CTDSPL2: variants seen among roughly 807,000 people sequenced by gnomAD.
The protein encoded by CTDSPL2 is CTD small phosphatase-like protein 2.
In CTDSPL2, 5 loss-of-function variants were observed where a neutral mutation model predicts 60.0. The ratio of observed to expected loss-of-function variants is 0.08; its 90% CI spans 0.04 to 0.18. The LOEUF is 0.18. Ranked by LOEUF, CTDSPL2 falls within the 10% of genes least tolerant of loss-of-function variation. The pLI is 1.00. For missense variants in CTDSPL2, 370 were observed against 548.8 expected, an observed-to-expected ratio of 0.67 and a Z score of 3.26; for synonymous variants, 186 against 189.3, an observed-to-expected ratio of 0.98 and a Z score of 0.14.
intron 1 of CTDSPL2, among the ~76,000 whole-genome samples, chr15:44,454,826 G>A (rs1175067273): frequency 6.6e-6 from 1 of 152,172 alleles, no homozygotes; most frequent in Non-Finnish European, 1.5e-5. Context: ...TTTGGTTACT[G>A]TAGCCTTGTA....
intron 7 of CTDSPL2, among the ~76,000 whole-genome samples, chr15:44,497,365 C>G (rs1339847260): frequency 6.6e-6 from 1 of 151,960 alleles, no homozygotes; most frequent in Non-Finnish European, 1.5e-5. Flanking sequence ...GTCTCAAAAG[C>G]ACAATTTCTT....
chr15:44,499,826 T>G lies in CTDSPL2; in HGVS notation c.969+13T>G. On this transcript the variant is annotated intron_variant, in intron 8 of 12. Transcript: ENST00000260327. Reference sequence around the variant, plus strand: ...TGTCATTTATCAGGTAATTAAAATTTTTTTGATGATTTTTGGCCTGATAGG... The same window carrying G: ...TGTCATTTATCAGGTAATTAAAATTGTTTTGATGATTTTTGGCCTGATAGG... The G allele has an allele frequency of 6.7e-7, 1 of 1,493,666 alleles. No homozygotes were observed. The highest frequency in any genetic ancestry group is 9.3e-7 in the Non-Finnish European group (1 of 1,075,596). 92.5% of individuals were successfully genotyped at this position (1,493,666 alleles called of 1,614,324 possible).
At chr15:44,461,322 C>T (rs1424242334) in intron 2 of CTDSPL2, among the ~76,000 whole-genome samples, 3 of 152,156 alleles carry the variant, frequency 2.0e-5, no homozygotes, top group Non-Finnish European at 4.4e-5. Flanking sequence ...CTCCTGTTGA[C>T]CAGAGCTTTA....
intron 11 of CTDSPL2, 157 bp from the exon 12 acceptor site, chr15:44,521,154 C>A: frequency 4.5e-6 from 2 of 446,586 alleles, no homozygotes; most frequent in Non-Finnish European, 3.9e-6. Flanking sequence ...CTGTCTCTTG[C>A]ACTATTGAGT....
intron 7 of CTDSPL2, among the ~76,000 whole-genome samples, chr15:44,497,933 G>T (rs567747950): frequency 2.2e-4 from 33 of 152,204 alleles, no homozygotes; most frequent in Non-Finnish European, 1.2e-4. Context: ...GGAGACGGAG[G>T]TTGCAGTGAG....
chr15:44,433,690 A>G (rs2079911033), intron 1 of CTDSPL2, among the ~76,000 whole-genome samples: 1 of 151,612 alleles, frequency 6.6e-6, no homozygotes, highest in African/African-American at 2.4e-5. Context: ...TTGTTTTTTG[A>G]GACGGAGTCT....
chr15:44,479,211 A>C (rs2140768140), intron 2 of CTDSPL2, among the ~76,000 whole-genome samples: 1 of 152,002 alleles, frequency 6.6e-6, no homozygotes, highest in Non-Finnish European at 1.5e-5. Flanking sequence ...ACTTAGTGAA[A>C]CCCTGGCTCT....
chr15:44,486,211 GT>G (rs776684033), intron 3 of CTDSPL2, among the ~76,000 whole-genome samples: 2 of 152,114 alleles, frequency 1.3e-5, no homozygotes, highest in Non-Finnish European at 2.9e-5. Context: ...AATTATTTGT[GT>G]TTTAGTTGGT....
At chr15:44,496,937 C>A in intron 6 of CTDSPL2, 90 bp from the exon 7 acceptor site, 1 of 666,024 alleles carries the variant, frequency 1.5e-6, no homozygotes, top group Non-Finnish European at 2.6e-6. Flanking sequence ...GGGTTAACTG[C>A]TTTATAGATT....
chr15:44,446,825 AGCTCACTGCAACCTCT>A (rs1297444094), intron 1 of CTDSPL2, among the ~76,000 whole-genome samples: 5 of 138,862 alleles, frequency 3.6e-5, no homozygotes, highest in Non-Finnish European at 6.1e-5. Context: ...GTGTGATCTC[AGCTCACTGCAACCTCT>A]GCTCTCGGAT....
chr15:44,444,305 A>ACG (rs1477553897), intron 1 of CTDSPL2, among the ~76,000 whole-genome samples: 1 of 99,120 alleles, frequency 1.0e-5, no homozygotes, highest in African/African-American at 3.1e-5. Context: ...TTTCCCATAC[A>ACG]CACACACACA....
At chr15:44,448,853 G>C in intron 1 of CTDSPL2, 1 of 392,984 alleles carries the variant, frequency 2.5e-6, no homozygotes, top group Non-Finnish European at 4.8e-6. Context: ...GTCTTTACCT[G>C]CGTTGGTCTA....
At chr15:44,487,168 T>C (rs2140793948) in intron 4 of CTDSPL2, among the ~76,000 whole-genome samples, 1 of 152,246 alleles carries the variant, frequency 6.6e-6, no homozygotes, top group Non-Finnish European at 1.5e-5. Flanking sequence ...TACAGCTCCT[T>C]GGGAGCTGGG....
chr15:44,479,255 C>T (rs1009967248), intron 2 of CTDSPL2, among the ~76,000 whole-genome samples: 1 of 151,946 alleles, frequency 6.6e-6, no homozygotes. Flanking sequence ...TACCCTCTTT[C>T]TTATAAGGTA....
intron 4 of CTDSPL2, among the ~76,000 whole-genome samples, chr15:44,487,844 C>T (rs986517798): frequency 2.6e-5 from 4 of 152,100 alleles, no homozygotes; most frequent in African/African-American, 7.2e-5. Context: ...GGCCGGGCAC[C>T]GTGGCTTATA....
At chr15:44,466,151 G>A (rs1276664602) in intron 2 of CTDSPL2, among the ~76,000 whole-genome samples, 2 of 151,862 alleles carry the variant, frequency 1.3e-5, no homozygotes, top group Admixed American at 6.6e-5. Flanking sequence ...TGGCCACGCT[G>A]GTCTCGAACT....
In CTDSPL2 at chr15:44,484,310, A is replaced by G. The variant is rs1255964157; in HGVS notation, c.273A>G (p.Glu91=). ...TCACGTCAACACCAAGAGCAGGAGA[A>G]AAACCTAACAAACAGATATCTCGAG... ...NLITSTPRAG[E]KPNKQISRVR... The change falls in exon 3 of 13, where the codon GAA becomes GAG. Residue 91 remains glutamate, a synonymous_variant. Transcript: ENST00000260327. The G allele has an allele frequency of 6.2e-7, 1 of 1,614,014 alleles. No homozygotes were observed.
At chr15:44,523,668 T>G (rs1317269592) in intron 12 of CTDSPL2, among the ~76,000 whole-genome samples, 1 of 152,016 alleles carries the variant, frequency 6.6e-6, no homozygotes, top group Admixed American at 6.6e-5. Context: ...GAGGCCAAGG[T>G]GGGCAGATAA....
intron 8 of CTDSPL2, among the ~76,000 whole-genome samples, chr15:44,504,672 C>T (rs962329733): frequency 1.3e-5 from 2 of 150,556 alleles, no homozygotes; most frequent in Admixed American, 6.6e-5. Context: ...AGTTTGAGAC[C>T]GGCCTGGGCA....
Sources: gnomAD v4.1 joint callset for allele counts (sites outside exome capture counted in the v4.1 genomes callset) on GRCh38, gnomAD v4.1.1 for gene constraint, MANE v1.5 for transcripts, NCBI Gene and HGNC (gene_info 2026-07-23, HGNC 2026-07-21) for gene names.